The following MACROD2 variants were observed in gnomAD, a reference collection of about 807,000 sequenced individuals.
The protein encoded by MACROD2 is mono-ADP ribosylhydrolase 2, also known as ADP-ribose glycohydrolase MACROD2.
In MACROD2, 36 loss-of-function variants were observed where a neutral mutation model predicts 70.4. That is an observed-to-expected ratio of 0.51 (90% confidence interval 0.39 to 0.68). The LOEUF is 0.68. MACROD2 is among the 30% of genes least tolerant of loss of function. The pLI, the probability that MACROD2 is intolerant of heterozygous loss-of-function variation, is 0.00. For synonymous variants in MACROD2, 172 were observed against 178.8 expected (o/e 0.96, Z 0.30); for missense variants, 496 against 538.4 (o/e 0.92, Z 0.78).
chr20:15,990,082 T>A (rs1394154549), intron 15 of MACROD2, among the ~76,000 whole-genome samples: 1 of 152,148 alleles, frequency 6.6e-6, no homozygotes, highest in African/African-American at 2.4e-5. Flanking sequence ...GACATGTCCC[T>A]GGGAGACCTG....
At chr20:14,349,716 G>A (rs964521448) in intron 3 of MACROD2, among the ~76,000 whole-genome samples, 4 of 148,616 alleles carry the variant, frequency 2.7e-5, no homozygotes, top group African/African-American at 9.9e-5. Flanking sequence ...GTGAGAACAT[G>A]TGATGTTCGT....
At chr20:14,531,754 G>A (rs570692034) in intron 4 of MACROD2, among the ~76,000 whole-genome samples, 1 of 152,068 alleles carries the variant, frequency 6.6e-6, no homozygotes, top group African/African-American at 2.4e-5. Context: ...TAAATGTCCT[G>A]CCCCAGCTAT....
intron 6 of MACROD2, among the ~76,000 whole-genome samples, chr20:15,297,649 A>G (rs1275253684): frequency 2.6e-5 from 4 of 152,136 alleles, no homozygotes; most frequent in Non-Finnish European, 5.9e-5. Context: ...AATGTTAACT[A>G]TGCCCCATAG....
chr20:15,279,245 A>T (rs147166891), intron 6 of MACROD2, among the ~76,000 whole-genome samples: 2,838 of 152,294 alleles, frequency 0.019, 40 homozygotes, highest in Middle Eastern at 0.061. Flanking sequence ...CAAAAAGGTC[A>T]TGGCATTTTG....
At chr20:15,461,942 G>T (rs1308817123) in intron 7 of MACROD2, among the ~76,000 whole-genome samples, 1 of 151,388 alleles carries the variant, frequency 6.6e-6, no homozygotes. Context: ...GTAAAAATAA[G>T]ATTTTTTTTT....
chr20:16,047,017 G>A (rs1359511207), intron 17 of MACROD2, among the ~76,000 whole-genome samples: 1 of 152,102 alleles, frequency 6.6e-6, no homozygotes, highest in African/African-American at 2.4e-5. Context: ...TTCCAGGAAG[G>A]AGAAGTGACA....
At position 15,207,443 on chromosome 20, in the gene MACROD2, T is replaced by G. The variant is rs1449522242; in HGVS notation, c.419-22497T>G. On this transcript the variant is annotated intron_variant, in intron 5 of 17. Coordinates refer to ENST00000684519, the MANE Select transcript of MACROD2 (RefSeq NM_001351661.2). ...TTTGTTTGTTTGTTTCTGGTTTTTT[T>G]TTTTTTTTTTTTTTCAGAGATGGAG... Among the ~76,000 whole-genome samples, 9 of 134,510 alleles carry G rather than the reference T, an allele frequency of 6.7e-5. No homozygotes were observed. In the East Asian group the frequency reaches 1.6e-3, roughly 24 times the overall value. The allele number at this position is 134,510 out of a possible 152,430, so 88.2% of individuals were successfully genotyped here.
chr20:15,623,887 C>G (rs1198928436), intron 8 of MACROD2, among the ~76,000 whole-genome samples: 1 of 152,046 alleles, frequency 6.6e-6, no homozygotes, highest in Non-Finnish European at 1.5e-5. Context: ...ATGTATTAGT[C>G]AGGGTTCTCT....
chr20:15,366,815 C>A (rs1490724527), intron 6 of MACROD2, among the ~76,000 whole-genome samples: 1 of 151,992 alleles, frequency 6.6e-6, no homozygotes, highest in Non-Finnish European at 1.5e-5. Context: ...CCAGCCTCCA[C>A]CTCCCAGTGT....
intron 3 of MACROD2, among the ~76,000 whole-genome samples, chr20:14,442,348 T>C (rs577856499): frequency 6.6e-6 from 1 of 152,214 alleles, no homozygotes; most frequent in South Asian, 2.1e-4. Context: ...ATTTACCAAA[T>C]GGGGAAAATT....
chr20:15,791,881 C>A (rs1291466486), intron 8 of MACROD2, among the ~76,000 whole-genome samples: 1 of 152,014 alleles, frequency 6.6e-6, no homozygotes, highest in Non-Finnish European at 1.5e-5. Flanking sequence ...AATTCAATGT[C>A]TTAACACTCC....
chr20:15,185,292 G>A (rs930470362), intron 5 of MACROD2, among the ~76,000 whole-genome samples: 6 of 152,068 alleles, frequency 3.9e-5, no homozygotes, highest in African/African-American at 1.4e-4. Flanking sequence ...TAAACTTTTG[G>A]TACATGAGAT....
chr20:14,639,052 C>G (rs906172431), intron 4 of MACROD2, among the ~76,000 whole-genome samples: 6 of 151,890 alleles, frequency 4.0e-5, no homozygotes, highest in Admixed American at 2.6e-4. Flanking sequence ...TACATACATA[C>G]CTAATTTATA....
chr20:15,299,176 T>C (rs987476673), intron 6 of MACROD2, among the ~76,000 whole-genome samples: 10 of 152,152 alleles, frequency 6.6e-5, no homozygotes, highest in Non-Finnish European at 1.3e-4. Context: ...TGTGTGGGTG[T>C]GTGTGTGTAA....
chr20:15,862,596 G>A (rs993999676), intron 8 of MACROD2, 149 bp from the exon 9 acceptor site: 2 of 616,138 alleles, frequency 3.2e-6, no homozygotes, highest in South Asian at 2.0e-5. Flanking sequence ...ACACATCCTT[G>A]AACTTCACTC....
chr20:15,788,843 C>T (rs958004357), intron 8 of MACROD2, among the ~76,000 whole-genome samples: 5 of 152,082 alleles, frequency 3.3e-5, no homozygotes, highest in East Asian at 1.9e-4. Flanking sequence ...CTAGCATTGG[C>T]GTAAGGTTAT....
chr20:14,938,825 G>C (rs996384190), intron 5 of MACROD2, among the ~76,000 whole-genome samples: 1 of 151,780 alleles, frequency 6.6e-6, no homozygotes, highest in African/African-American at 2.4e-5. Flanking sequence ...GTCAGGGAGA[G>C]AGATTTCTTC....
intron 3 of MACROD2, among the ~76,000 whole-genome samples, chr20:14,438,353 G>A (rs1489453513): frequency 6.6e-6 from 1 of 152,150 alleles, no homozygotes; most frequent in African/African-American, 2.4e-5. Flanking sequence ...CTTGGCCATC[G>A]TGAATAGTGC....
intron 7 of MACROD2, among the ~76,000 whole-genome samples, chr20:15,437,275 C>T (rs532559488): frequency 6.6e-6 from 1 of 152,106 alleles, no homozygotes; most frequent in Non-Finnish European, 1.5e-5. Context: ...GGTACCCATT[C>T]ATCATGGTTA....
Sources: allele counts gnomAD v4.1 joint callset (sites outside exome capture counted in the v4.1 genomes callset), GRCh38; gene constraint gnomAD v4.1.1; transcripts MANE v1.5; gene names NCBI Gene and HGNC (gene_info 2026-07-23, HGNC 2026-07-21).